The following SPAST variants were observed in gnomAD, a reference collection of about 807,000 sequenced individuals.
SPAST encodes the protein spastic paraplegia 4 (autosomal dominant; spastin).
In SPAST, 30 loss-of-function variants were observed where a neutral mutation model predicts 76.6. That is an observed-to-expected ratio of 0.39 (90% CI 0.29 to 0.53). SPAST has a LOEUF of 0.53. Among genes scored for constraint, SPAST ranks in the 20% least tolerant of loss-of-function variants. SPAST has a pLI of 0.68. For missense variants in SPAST, 717 were observed against 770.5 expected (o/e 0.93, Z 0.82); for synonymous variants, 305 against 281.0 (o/e 1.09, Z -0.86).
intron 16 of SPAST, among the ~76,000 whole-genome samples, chr2:32,147,930 CTTTT>C (rs71407420): frequency 1.7e-5 from 2 of 116,452 alleles, no homozygotes; most frequent in Admixed American, 9.9e-5. Flanking sequence ...TGCGCCCGGC[CTTTT>C]TTTTTTTTTT....
At chr2:32,147,420 T>G (rs1368130128) in intron 16 of SPAST, among the ~76,000 whole-genome samples, 162 bp downstream of exon 16, 2 of 139,116 alleles carry the variant, frequency 1.4e-5, no homozygotes, top group African/African-American at 5.4e-5. Flanking sequence ...CCTCCTGGAT[T>G]CAAGCTATTC....
chr2:32,115,762 A>G lies in SPAST; in HGVS notation c.931A>G (p.Lys311Glu), dbSNP rs1167151187. Residue 311 changes from lysine to glutamate, a missense_variant, in exon 6 of 17, where the codon AAA becomes GAA. Physicochemically the swap from Lys to Glu is moderately conservative, Grantham distance 56. Coordinates refer to ENST00000315285, the MANE Select transcript of SPAST (RefSeq NM_014946.4). ...PSTPTTATRK[K>E]KDLKNFRNVD... ...TACCCCTACAACTGCTACTCGTAAG[A>G]AAAAAGACTTGAAGAATTTTAGGAA... 3.1e-6 allele frequency: 5 copies of G among 1,611,276 alleles called. No individual in the cohort carries two copies. The highest frequency in any genetic ancestry group is 1.3e-5 in the African/African-American group (1 of 74,888).
chr2:32,127,675 T>C (rs2148745649), intron 8 of SPAST: 1 of 152,110 alleles, frequency 6.6e-6, no homozygotes, highest in East Asian at 1.9e-4. Context: ...TTTTTAAGTA[T>C]TCTTTTGCCA....
Position 32,114,587 on chromosome 2 carries a change from A to T in SPAST, c.683-51A>T, listed in dbSNP as rs749163368. 4 of 1,407,414 alleles carry T rather than the reference A, an allele frequency of 2.8e-6. No individual in the cohort carries two copies. In the African/African-American group the frequency reaches 5.7e-5, roughly 20 times the overall value. 87.2% of individuals were successfully genotyped at this position (1,407,414 alleles called of 1,614,324 possible). On this transcript the variant is annotated intron_variant, in intron 4 of 16. Transcript: ENST00000315285. ...GTTTTACAAATGTTTGCTTGTCTTT[A>T]TGTTCAGCTACAATTTTCTAATCAC...
At position 32,154,688 on chromosome 2, in the gene SPAST, T is replaced by A; in HGVS notation, c.*192T>A. ...AATATACAATGCAAATGTAATTTTT[T>A]GTTGTTTAAGGCCTTGCCTTGATGG... On this transcript the variant is annotated 3_prime_UTR_variant, in exon 17 of 17. Coordinates refer to ENST00000315285, the MANE Select transcript of SPAST (RefSeq NM_014946.4). 1.6e-6 allele frequency: 1 copy of A among 619,152 alleles called. No individual in the cohort carries two copies. Among genetic ancestry groups the A allele is most frequent in the Non-Finnish European group, 2.8e-6 (1 of 360,156 alleles). 38.4% of individuals were successfully genotyped at this position (619,152 alleles called of 1,614,324 possible).
chr2:32,120,801 C>G (rs1016676245), intron 7 of SPAST, among the ~76,000 whole-genome samples: 2 of 152,042 alleles, frequency 1.3e-5, no homozygotes, highest in Non-Finnish European at 2.9e-5. Flanking sequence ...ATGGCTACAT[C>G]TTTCAGTAAC....
chr2:32,114,214 A>G (rs1678735680), intron 4 of SPAST, among the ~76,000 whole-genome samples: 1 of 152,154 alleles, frequency 6.6e-6, no homozygotes, highest in Admixed American at 6.5e-5. Context: ...AGACCAGCCT[A>G]GGCAACATAG....
In SPAST at chr2:32,121,558, T is replaced by A. The variant is rs1225498394; in HGVS notation, c.1098+5346T>A. 5.4e-5 allele frequency among the ~76,000 whole-genome samples: 8 copies of A among 147,706 alleles called. No individual in the cohort carries two copies. The East Asian group carries it at 6.0e-4, about 11-fold the overall frequency. ...CACTTTTTTTTTTTTTTTTTTTTTT[T>A]AAGACACAGTCTTGCTCTGTCACCC... On this transcript the variant is annotated intron_variant, in intron 7 of 16. Transcript: ENST00000315285.
At position 32,133,046 on chromosome 2, in the gene SPAST, C is replaced by CAA. The variant is rs11431898; in HGVS notation, c.1246-3507_1246-3506dup. Among the ~76,000 whole-genome samples the CAA allele has an allele frequency of 8.5e-3, 1,238 of 145,024 alleles. 12 individuals are homozygous for CAA. The highest frequency in any genetic ancestry group is 0.015 in the Non-Finnish European group (1,015 of 66,026). ...GGGCAACAAAAGTGAAACTCCATCT[C>CAA]AAAAAAAAAAAGCAGCAGCATTGTG... On this transcript the variant is annotated intron_variant, in intron 9 of 16. Transcript: ENST00000315285.
rs759972503 is a variant in SPAST, at chr2:32,063,993, C to T, written c.162C>T (p.Ser54=). 4 of 1,613,376 alleles carry T rather than the reference C, an allele frequency of 2.5e-6. No homozygotes were observed. Among genetic ancestry groups the T allele is most frequent in the South Asian group, 2.2e-5 (2 of 91,066 alleles). Residue 54 remains serine, a synonymous_variant, in exon 1 of 17, where the codon TCC becomes TCT. Transcript: ENST00000315285. ...ATAAGCGGAACCTGTACTATTTCTC[C>T]TACCCGCTGTTTGTAGGCTTCGCGC... The part of the protein sequence containing the change: ...SPHKRNLYYF[S]YPLFVGFALL...
At chr2:32,064,292 C>CGGGGGAAAGAGGGG in intron 1 of SPAST, 46 bp downstream of exon 1, 1 of 284,176 alleles carries the variant, frequency 3.5e-6, no homozygotes, top group Non-Finnish European at 6.3e-6. Flanking sequence ...GGGAAGAAGG[C>CGGGGGAAAGAGGGG]GGTGGGGTCG....
chr2:32,151,223 G>A (rs988571951), intron 16 of SPAST, among the ~76,000 whole-genome samples: 2 of 152,134 alleles, frequency 1.3e-5, no homozygotes, highest in African/African-American at 4.8e-5. Context: ...GATTGCAGGT[G>A]TGAGCCACCA....
chr2:32,083,775 TA>T lies in SPAST; in HGVS notation c.416-3716del, dbSNP rs70938320. ...CTATATATATATATATATATATATA[TA>T]TTTTTTTTTTTTTTTGAGATGAAGT... is the stretch of plus-strand genomic sequence containing the variant. On this transcript the variant is annotated intron_variant, in intron 1 of 16. Transcript: ENST00000315285. Among the ~76,000 whole-genome samples the T allele has an allele frequency of 3.9e-3, 319 of 81,946 alleles. 5 individuals carry two copies. The highest frequency in any genetic ancestry group is 0.012 in the African/African-American group (238 of 19,738). 53.8% of individuals were successfully genotyped at this position (81,946 alleles called of 152,430 possible). A position where few individuals can be genotyped will look rare whatever the true frequency, so the allele number is the denominator to read the frequency against.
intron 4 of SPAST, among the ~76,000 whole-genome samples, chr2:32,105,101 G>T (rs1382222570): frequency 2.0e-5 from 3 of 152,136 alleles, no homozygotes; most frequent in African/African-American, 7.2e-5. Flanking sequence ...GTCAGACATA[G>T]ATTTGGTCTT....
At chr2:32,082,183 G>A (rs1677261610) in intron 1 of SPAST, among the ~76,000 whole-genome samples, 2 of 150,218 alleles carry the variant, frequency 1.3e-5, no homozygotes, top group East Asian at 2.0e-4. Flanking sequence ...AGTAGAGATT[G>A]GGTTTCATCA....
chr2:32,105,416 A>G (rs1437638993), intron 4 of SPAST, among the ~76,000 whole-genome samples: 1 of 152,136 alleles, frequency 6.6e-6, no homozygotes, highest in Non-Finnish European at 1.5e-5. Flanking sequence ...TTTAGCTCGG[A>G]GAACTTTGTT....
rs116794237 is a variant in SPAST, at chr2:32,138,642, C to T, written c.1493+1454C>T. 6.2e-3 allele frequency among the ~76,000 whole-genome samples: 939 copies of T among 152,222 alleles called. 11 individuals carry two copies. Among genetic ancestry groups the T allele is most frequent in the Non-Finnish European group, 9.1e-3 (617 of 68,002 alleles). ...TTTACTCTGTTGATGGTTCTTTTTG[C>T]TGTGCAGAAGCTCTTTAGTTTAATT... On this transcript the variant is annotated intron_variant, in intron 12 of 16. Transcript: ENST00000315285.
chr2:32,100,944 A>G (rs1256076544), intron 4 of SPAST, among the ~76,000 whole-genome samples: 1 of 152,230 alleles, frequency 6.6e-6, no homozygotes, highest in Non-Finnish European at 1.5e-5. Context: ...TCTTTATAGC[A>G]GCATGATTTA....
intron 1 of SPAST, among the ~76,000 whole-genome samples, chr2:32,067,154 C>T (rs974102883): frequency 1.5e-4 from 23 of 152,022 alleles, no homozygotes; most frequent in African/African-American, 2.2e-4. Flanking sequence ...CTCTGCCTCC[C>T]GGATTCAAGC....
Sources: gnomAD v4.1 joint callset for allele counts (sites outside exome capture counted in the v4.1 genomes callset) on GRCh38, gnomAD v4.1.1 for gene constraint, MANE v1.5 for transcripts, NCBI Gene and HGNC (gene_info 2026-07-23, HGNC 2026-07-21) for gene names.